Variants in PRKX observed in about 807,000 individuals in gnomAD.
PRKX encodes cAMP-dependent protein kinase catalytic subunit PRKX.
PRKX carries 12 observed loss-of-function variants against 22.0 expected under a neutral mutation model. That is an observed-to-expected ratio of 0.54 (90% CI 0.35 to 0.88). The LOEUF is 0.88. Ranked by LOEUF, PRKX falls within the 40% of genes least tolerant of loss-of-function variation. The probability of loss-of-function intolerance (pLI) is 0.01; values close to 1 mark genes in which losing one functional copy is unlikely to be tolerated. For synonymous variants in PRKX, 134 were observed against 137.7 expected (o/e 0.97, Z 0.19); for missense variants, 217 against 308.0 (o/e 0.70, Z 2.21).
chrX:3,617,936 ATACTCTATGTTCTT>A (rs1268662557), intron 6 of PRKX, among the ~76,000 whole-genome samples: 1 of 107,117 alleles, frequency 9.3e-6, no homozygotes, highest in Non-Finnish European at 1.9e-5. Flanking sequence ...TCTATTTACT[ATACTCTATGTTCTT>A]TTTGGGGGGG....
At chrX:3,695,091 C>T (rs771624554) in intron 1 of PRKX, among the ~76,000 whole-genome samples, 2 of 111,420 alleles carry the variant, frequency 1.8e-5, no homozygotes, top group Non-Finnish European at 3.8e-5. Flanking sequence ...GACCCTCCAA[C>T]GGGCAGTAGT....
intron 2 of PRKX, among the ~76,000 whole-genome samples, chrX:3,659,717 G>GTTTTTGTTTTTTTTTTTT (rs1569053338): frequency 3.6e-5 from 1 of 28,039 alleles, no homozygotes; most frequent in African/African-American, 1.8e-4. Context: ...TGTTTTTTTT[G>GTTTTTGTTTTTTTTTTTT]TTTTTTTTTT....
At chrX:3,610,119 G>A (rs1266363312) in intron 8 of PRKX, among the ~76,000 whole-genome samples, 3 of 112,025 alleles carry the variant, frequency 2.7e-5, no homozygotes, top group African/African-American at 9.7e-5. Flanking sequence ...CTAATCGCTC[G>A]TTGCTGAAAA....
At chrX:3,645,524 G>A (rs368746870) in intron 3 of PRKX, among the ~76,000 whole-genome samples, 1 of 112,034 alleles carries the variant, frequency 8.9e-6, no homozygotes, top group East Asian at 2.8e-4. Flanking sequence ...GGGAATAATT[G>A]CTTAACAGAT....
intron 6 of PRKX, among the ~76,000 whole-genome samples, chrX:3,620,583 C>T (rs1371299897): frequency 1.8e-5 from 2 of 112,345 alleles, no homozygotes; most frequent in African/African-American, 6.5e-5. Flanking sequence ...ACCTGAGCTC[C>T]GCCTCCTGTC....
rs58698248 is a variant in PRKX at position 3,648,606 on chromosome X, CTGTGTGTG to C, written c.599+6535_599+6542del. The stretch of plus-strand genomic sequence containing the variant: ...TCAATGTGAATTACTCTCTCTACTC[CTGTGTGTG>C]TGTGTGTGTGTGTGTGTGTGTGTGT... On this transcript the variant is annotated intron_variant, in intron 3 of 8. Transcript: ENST00000262848. 3.7e-3 allele frequency among the ~76,000 whole-genome samples: 264 copies of C among 72,230 alleles called. 2 individuals carry two copies. The highest frequency in any genetic ancestry group is 0.012 in the African/African-American group (212 of 16,997). The allele number at this position is 72,230 out of a possible 115,157, so 62.7% of individuals were successfully genotyped here. A position where few individuals can be genotyped will look rare whatever the true frequency, so the allele number is the denominator to read the frequency against.
At chrX:3,687,648 A>G (rs184202900) in intron 1 of PRKX, among the ~76,000 whole-genome samples, 1 of 111,126 alleles carries the variant, frequency 9.0e-6, no homozygotes, top group African/African-American at 3.3e-5. Context: ...TTAAACTGTG[A>G]TGCTTAAGGA....
At chrX:3,700,435 C>G (rs1233751721) in intron 1 of PRKX, among the ~76,000 whole-genome samples, 1 of 112,260 alleles carries the variant, frequency 8.9e-6, no homozygotes, top group African/African-American at 3.2e-5. Flanking sequence ...ATAAACTAAA[C>G]AAAAGCCTTA....
intron 4 of PRKX, among the ~76,000 whole-genome samples, chrX:3,639,530 G>T (rs1448034146): frequency 1.6e-5 from 1 of 61,108 alleles, no homozygotes; most frequent in Non-Finnish European, 3.3e-5. Context: ...GTGGGTGGAT[G>T]GATGACGGGG....
Position 3,698,054 on chromosome X carries a change from C to T in PRKX, c.166+15034G>A, listed in dbSNP as rs182347210. On this transcript the variant is annotated intron_variant, in intron 1 of 8. Transcript: ENST00000262848. ...CAGCTAGGGAACAGAGGATTCCTTT[C>T]CCACACAATGCGGCCATTCTTTCCT... 5.7e-3 allele frequency among the ~76,000 whole-genome samples: 636 copies of T among 112,326 alleles called. 5 individuals are homozygous for T. Among genetic ancestry groups the T allele is most frequent in the African/African-American group, 0.019 (599 of 30,958 alleles).
intron 2 of PRKX, among the ~76,000 whole-genome samples, chrX:3,666,186 G>A (rs1383079362): frequency 7.8e-5 from 7 of 90,138 alleles, no homozygotes; most frequent in Non-Finnish European, 1.1e-4. Context: ...ACAGAGTCTC[G>A]CTCTGTTACT....
rs57960952 is a variant in PRKX at position 3,608,578 on chromosome X, TAC to T, written c.*389_*390del. The T allele has an allele frequency of 0.032, 2,995 of 94,399 alleles. 50 individuals carry two copies. Among genetic ancestry groups the T allele is most frequent in the Admixed American group, 0.086 (691 of 8,034 alleles). 7.8% of individuals were successfully genotyped at this position (94,399 alleles called of 1,213,427 possible). Reference sequence around the variant, plus strand: ...TGACTTCTATATATACACACAGGCATACACACACACACACACACACACACACA... The same window carrying T: ...TGACTTCTATATATACACACAGGCATACACACACACACACACACACACACA... On this transcript the variant is annotated 3_prime_UTR_variant, in exon 9 of 9. Coordinates refer to ENST00000262848, the MANE Select transcript of PRKX (RefSeq NM_005044.5).
intron 2 of PRKX, among the ~76,000 whole-genome samples, 183 bp downstream of exon 2, chrX:3,674,415 T>C (rs1356855317): frequency 9.0e-6 from 1 of 110,989 alleles, no homozygotes; most frequent in African/African-American, 3.3e-5. Context: ...GCCATGGAGG[T>C]CAGGAGCCCT....
intron 3 of PRKX, among the ~76,000 whole-genome samples, chrX:3,647,625 ATTAT>A (rs1266318517): frequency 5.3e-4 from 57 of 107,285 alleles, no homozygotes; most frequent in African/African-American, 1.8e-3. Context: ...TGTCGGATAT[ATTAT>A]TTATGTGTAA....
At chrX:3,649,887 C>G (rs1036638304) in intron 3 of PRKX, among the ~76,000 whole-genome samples, 20 of 107,632 alleles carry the variant, frequency 1.9e-4, no homozygotes, top group African/African-American at 6.8e-4. Flanking sequence ...CGCCTGTAAT[C>G]CCAAAACTTT....
At chrX:3,615,049 GGC>G in intron 7 of PRKX, among the ~76,000 whole-genome samples, 1 of 82,705 alleles carries the variant, frequency 1.2e-5, no homozygotes, top group African/African-American at 4.6e-5. Context: ...GACAGGGTCT[GGC>G]TCTGTCGCCC....
At chrX:3,635,584 T>C (rs1298152835) in intron 4 of PRKX, among the ~76,000 whole-genome samples, 2 of 109,483 alleles carry the variant, frequency 1.8e-5, no homozygotes, top group African/African-American at 6.8e-5. Context: ...ATGCTTTAGC[T>C]GATTTTTTTT....
At chrX:3,708,545 G>A (rs1156716093) in intron 1 of PRKX, among the ~76,000 whole-genome samples, 1 of 107,772 alleles carries the variant, frequency 9.3e-6, no homozygotes, top group Non-Finnish European at 1.9e-5. Flanking sequence ...TTTTCAGATT[G>A]TATAGTGTGT....
At position 3,713,469 on chromosome X, in the gene PRKX, G is replaced by A. The variant is rs1928837526; in HGVS notation, c.-216C>T. The stretch of plus-strand genomic sequence containing the variant: ...GGCACAAGCAGCAACGGCCCCGAGT[G>A]GGAGCAGCCGCCGGCCTCGGGGGGC... On this transcript the variant is annotated 5_prime_UTR_variant, in exon 1 of 9. Coordinates refer to ENST00000262848, the MANE Select transcript of PRKX (RefSeq NM_005044.5). 1 of 271,539 alleles carries A rather than the reference G, an allele frequency of 3.7e-6. No homozygotes were observed. The highest frequency in any genetic ancestry group is 6.4e-6 in the Non-Finnish European group (1 of 156,351). 22.4% of individuals were successfully genotyped at this position (271,539 alleles called of 1,213,427 possible).
Sources: allele counts gnomAD v4.1 joint callset (sites outside exome capture counted in the v4.1 genomes callset), GRCh38; gene constraint gnomAD v4.1.1; transcripts MANE v1.5; gene names NCBI Gene and HGNC (gene_info 2026-07-23, HGNC 2026-07-21).